MZF1: variants seen among roughly 807,000 people sequenced by gnomAD.
MZF1 encodes myeloid zinc finger 1, also known as zinc finger and SCAN domain-containing protein 6.
A neutral mutation model predicts 28.6 loss-of-function variants in MZF1; 24 were observed. That is an observed-to-expected ratio of 0.84 (90% CI 0.61 to 1.18). The LOEUF (loss-of-function observed/expected upper bound fraction) is 1.18, where lower values mean the gene tolerates loss of function less well. Among genes scored for constraint, MZF1 ranks in the 50% most tolerant of loss-of-function variants. The probability of loss-of-function intolerance (pLI) is 0.00; values close to 1 mark genes in which losing one functional copy is unlikely to be tolerated. For synonymous variants in MZF1, 516 were observed against 432.5 expected (o/e 1.19, Z -2.40); for missense variants, 1,166 against 1,026.4 (o/e 1.14, Z -1.86).
intron 1 of MZF1, 112 bp from the exon 2 acceptor site, chr19:58,571,541 G>A: frequency 9.7e-7 from 1 of 1,028,774 alleles, no homozygotes; most frequent in Non-Finnish European, 1.4e-6. Context: ...GAAGGCAGAT[G>A]AGGAAACAGG....
chr19:58,562,673 T>G lies in MZF1; in HGVS notation c.1604A>C (p.His535Pro). 1 of 1,541,018 alleles carries G rather than the reference T, an allele frequency of 6.5e-7. No individual in the cohort carries two copies. The highest frequency in any genetic ancestry group is 8.7e-7 in the Non-Finnish European group (1 of 1,149,444). ...RSVLLQHRRV[H>P]SGERPFACAE... ...ACAGGCGAAGGGCCGCTCGCCACTG[T>G]GCACGCGCCGGTGCTGCAGCAGCAC... The change falls in exon 6 of 6, where the codon CAC (histidine) becomes CCC (proline). Residue 535 changes from histidine to proline, a missense_variant. Coordinates refer to ENST00000215057, the MANE Select transcript of MZF1 (RefSeq NM_198055.2).
At chr19:58,568,599 A>C (rs1039989655) in intron 5 of MZF1, 2 of 152,248 alleles carry the variant, frequency 1.3e-5, no homozygotes, top group African/African-American at 4.8e-5. Context: ...TCTAATGTTG[A>C]GGGCTAGACA....
intron 5 of MZF1, 118 bp downstream of exon 5, chr19:58,569,159 G>T: frequency 7.5e-7 from 1 of 1,332,138 alleles, no homozygotes; most frequent in Non-Finnish European, 1.0e-6. Context: ...TCTAGGGAAT[G>T]GGGGAACTTG....
intron 5 of MZF1, among the ~76,000 whole-genome samples, chr19:58,564,918 T>G (rs1291600866): frequency 6.6e-5 from 8 of 121,838 alleles, no homozygotes; most frequent in East Asian, 2.4e-4. Context: ...TTTTTTTTTT[T>G]TTTTTTTTTT....
rs8111270 is a variant in MZF1 at position 58,569,904 on chromosome 19, G to A, written c.581-318C>T. The A allele has an allele frequency of 9.8e-3, 3,349 of 340,378 alleles. 101 individuals carry two copies. The highest frequency in any genetic ancestry group is 0.063 in the African/African-American group (2,959 of 47,070). The allele number at this position is 340,378 out of a possible 1,614,324, so 21.1% of individuals were successfully genotyped here. Reference sequence around the variant, plus strand: ...AGGGTCCACATAGGAATGGCAGGGTGTGAGCAGCTAGTTCAGGTGCCCTGC... The same window carrying A: ...AGGGTCCACATAGGAATGGCAGGGTATGAGCAGCTAGTTCAGGTGCCCTGC... On this transcript the variant is annotated intron_variant, in intron 3 of 5. Coordinates refer to ENST00000215057, the MANE Select transcript of MZF1 (RefSeq NM_198055.2).
Position 58,562,876 on chromosome 19 carries a change from G to T in MZF1, c.1401C>A (p.Gly467=). ...GAGGGGCCGGGGGCTTAGCGCCAGG[G>T]CCCGGGGGATCGCCGTGGATGCGCT... is the stretch of plus-strand genomic sequence containing the variant. ...QHQRIHGDPP[G]PGAKPPAPPG... The change falls in exon 6 of 6, where the codon GGC becomes GGA. Residue 467 remains glycine (G), a synonymous_variant. Coordinates refer to ENST00000215057, the MANE Select transcript of MZF1 (RefSeq NM_198055.2). The T allele has an allele frequency of 6.4e-7, 1 of 1,558,166 alleles. No homozygotes were observed. Among genetic ancestry groups the T allele is most frequent in the Non-Finnish European group, 8.6e-7 (1 of 1,158,290 alleles).
In MZF1 at chr19:58,571,205, A is replaced by C; in HGVS notation, c.185T>G (p.Leu62Arg). The C allele has an allele frequency of 6.2e-7, 1 of 1,613,046 alleles. No individual in the cohort carries two copies. Among genetic ancestry groups the C allele is most frequent in the Non-Finnish European group, 8.5e-7 (1 of 1,179,474 alleles). ...YEEATGPQEA[L>R]AQLRELCRQW... ...GCGACACAGCTCTCGGAGCTGGGCC[A>C]GGGCCTCTTGGGGCCCTGTGGCCTC... Residue 62 changes from leucine (L) to arginine (R), a missense_variant, in exon 2 of 6, where the codon CTG becomes CGG. Transcript: ENST00000215057.
chr19:58,570,845 T>C, intron 2 of MZF1, 149 bp downstream of exon 2: 2 of 853,816 alleles, frequency 2.3e-6, no homozygotes, highest in South Asian at 1.8e-5. Flanking sequence ...CCCTCTGCCC[T>C]GGGCAGCCTT....
intron 1 of MZF1, chr19:58,572,543 G>T: frequency 7.8e-7 from 1 of 1,289,242 alleles, no homozygotes; most frequent in Non-Finnish European, 1.0e-6. Flanking sequence ...TTGCAAGTGG[G>T]GCTGACCTCC....
At chr19:58,572,813 A>C in intron 1 of MZF1, 1 of 366,102 alleles carries the variant, frequency 2.7e-6, no homozygotes, top group Non-Finnish European at 5.3e-6. Context: ...CTTCCGCTCC[A>C]GGGTGCCAAG....
intron 1 of MZF1, 126 bp downstream of exon 1, chr19:58,572,929 C>T: frequency 1.8e-5 from 4 of 223,338 alleles, no homozygotes; most frequent in South Asian, 1.6e-4. Context: ...CTGGGCGCTC[C>T]CGCAAGGACT....
chr19:58,563,256 G>C lies in MZF1; in HGVS notation c.1021C>G (p.Arg341Gly), dbSNP rs575404835. 1 of 1,607,174 alleles carries C rather than the reference G, an allele frequency of 6.2e-7. No homozygotes were observed. Among genetic ancestry groups the C allele is most frequent in the Admixed American group, 1.7e-5 (1 of 59,242 alleles). The change falls in exon 6 of 6, where the codon CGG (arginine) becomes GGG (glycine). Residue 341 changes from arginine to glycine, a missense_variant. By Grantham distance (125) the Arg-to-Gly change is moderately radical (BLOSUM62 -2). Coordinates refer to ENST00000215057, the MANE Select transcript of MZF1 (RefSeq NM_198055.2). ...ITTRWRSPRGRSRGRPSTGGG... is the reference protein window; with the variant it reads ...ITTRWRSPRGGSRGRPSTGGG... ...CCAGTGCTGGGGCGGCCCCGGCTCC[G>C]GCCCCTGGGGGAGCGCCAGCGGGTG... is the stretch of plus-strand genomic sequence containing the variant.
In MZF1 at chr19:58,562,533, G is replaced by A. The variant is rs1194662859; in HGVS notation, c.1744C>T (p.Pro582Ser). 6 of 1,607,766 alleles carry A rather than the reference G, an allele frequency of 3.7e-6. No individual in the cohort carries two copies. Among genetic ancestry groups the A allele is most frequent in the Non-Finnish European group, 5.1e-6 (6 of 1,178,268 alleles). The change falls in exon 6 of 6, where the codon CCT becomes TCT. Residue 582 changes from proline (P) to serine (S), a missense_variant. Coordinates refer to ENST00000215057, the MANE Select transcript of MZF1 (RefSeq NM_198055.2). ...ACGCGGAGATGCTGCGTGAGCGTAG[G>A]CCGCTGGCGGAAGGCCTTGCCACAC... ...AECGKAFRQRPTLTQHLRVHT... is the reference protein window; with the variant it reads ...AECGKAFRQRSTLTQHLRVHT...
intron 1 of MZF1, 174 bp from the exon 2 acceptor site, chr19:58,571,603 T>C: frequency 1.6e-6 from 1 of 612,462 alleles, no homozygotes; most frequent in Non-Finnish European, 2.8e-6. Context: ...AAGCCCTCCC[T>C]TAGCCACCTG....
intron 1 of MZF1, chr19:58,571,721 G>C (rs2054167554): frequency 3.6e-6 from 1 of 273,978 alleles, no homozygotes; most frequent in African/African-American, 2.2e-5. Context: ...TCAGTCAGTT[G>C]CCCAGGCTGA....
intron 5 of MZF1, among the ~76,000 whole-genome samples, chr19:58,564,960 G>C (rs1204913679): frequency 4.3e-5 from 5 of 116,398 alleles, no homozygotes; most frequent in Non-Finnish European, 8.1e-5. Flanking sequence ...TTGCTGTGTC[G>C]CCCAGGCTGG....
chr19:58,571,151 T>C lies in MZF1; in HGVS notation c.239A>G (p.Lys80Arg), dbSNP rs2054154370. Residue 80 changes from lysine (K) to arginine (R), a missense_variant, in exon 2 of 6, where the codon AAG becomes AGG. Physicochemically the swap from Lys to Arg is conservative, Grantham distance 26 (BLOSUM62 2). Coordinates refer to ENST00000215057, the MANE Select transcript of MZF1 (RefSeq NM_198055.2). Reference sequence around the variant, plus strand: ...CACCAACAGCTCCAGCATCTGCTCCTTGGAGCGTACCTCTGGACGCAGCCA... The same window carrying C: ...CACCAACAGCTCCAGCATCTGCTCCCTGGAGCGTACCTCTGGACGCAGCCA... ...RQWLRPEVRS[K>R]EQMLELLVLE... 6.2e-7 allele frequency: 1 copy of C among 1,613,994 alleles called. No individual in the cohort carries two copies. The highest frequency in any genetic ancestry group is 1.3e-5 in the African/African-American group (1 of 74,944).
chr19:58,572,349 T>C (rs913614855), intron 1 of MZF1, among the ~76,000 whole-genome samples: 4 of 151,726 alleles, frequency 2.6e-5, no homozygotes, highest in African/African-American at 9.7e-5. Flanking sequence ...AACATCACAC[T>C]ACGCAATGCC....
chr19:58,572,574 G>A (rs2054185717), intron 1 of MZF1: 1 of 1,289,594 alleles, frequency 7.8e-7, no homozygotes, highest in Non-Finnish European at 1.0e-6. Flanking sequence ...TGTTCCTTCT[G>A]CAGCTGCGGC....
Sources: gnomAD v4.1 joint callset for allele counts (sites outside exome capture counted in the v4.1 genomes callset) on GRCh38, gnomAD v4.1.1 for gene constraint, MANE v1.5 for transcripts, NCBI Gene and HGNC (gene_info 2026-07-23, HGNC 2026-07-21) for gene names.